Variants in TAS2R1 observed in about 807,000 individuals in gnomAD.
TAS2R1 encodes the protein taste receptor type 2 member 1.
For synonymous variants in TAS2R1, 141 were observed against 134.2 expected (o/e 1.05, Z -0.35); for missense variants, 370 against 353.4 (o/e 1.05, Z -0.38).
intron 2 of TAS2R1, among the ~76,000 whole-genome samples, chr5:9,648,992 T>C (rs1740252238): frequency 2.0e-5 from 3 of 152,190 alleles, no homozygotes; most frequent in Non-Finnish European, 4.4e-5. Context: ...AGGTCCACAA[T>C]TGCTAATTGT....
the TAS2R1 span, among the ~76,000 whole-genome samples, chr5:9,721,263 G>A: frequency 1.3e-3 from 196 of 152,302 alleles, no homozygotes; most frequent in African/African-American, 4.4e-3. Flanking sequence ...CCTTTAAAAT[G>A]GTCCAGAAGA....
the TAS2R1 span, among the ~76,000 whole-genome samples, chr5:9,865,152 C>T: frequency 6.6e-6 from 1 of 152,224 alleles, no homozygotes; most frequent in African/African-American, 2.4e-5. Context: ...GGAGGGGGAG[C>T]AAGGAAGCCA....
At position 9,627,970 on chromosome 5, in the gene TAS2R1, T is replaced by C. The variant is rs1739785283; in HGVS notation, c.*1163A>G. On this transcript the variant is annotated 3_prime_UTR_variant, in exon 1 of 1. Transcript: ENST00000382492. ...GCTGTATTTGGGTTCCTATTACTGG[T>C]GATTGAAAAATCTAAACCTAAACCT... is the stretch of plus-strand genomic sequence containing the variant. Among the ~76,000 whole-genome samples the C allele has an allele frequency of 6.6e-6, 1 of 152,290 alleles. No homozygotes were observed. The highest frequency in any genetic ancestry group is 1.9e-4 in the East Asian group (1 of 5,176).
At chr5:9,812,331 T>A in the TAS2R1 span, among the ~76,000 whole-genome samples, 20 of 152,000 alleles carry the variant, frequency 1.3e-4, no homozygotes, top group African/African-American at 4.6e-4. Flanking sequence ...TATGTATGTA[T>A]ATATATGAAG....
At chr5:9,845,444 A>G in the TAS2R1 span, among the ~76,000 whole-genome samples, 1 of 152,226 alleles carries the variant, frequency 6.6e-6, no homozygotes, top group Admixed American at 6.5e-5. Flanking sequence ...TGCAAGTGAA[A>G]GTAGTTTCTG....
the TAS2R1 span, among the ~76,000 whole-genome samples, chr5:9,741,134 A>G: frequency 6.6e-6 from 1 of 152,188 alleles, no homozygotes. Flanking sequence ...TATATATTTT[A>G]TGCCACTAAA....
chr5:9,767,945 C>T, the TAS2R1 span, among the ~76,000 whole-genome samples: 1 of 133,950 alleles, frequency 7.5e-6, no homozygotes, highest in Admixed American at 7.6e-5. Context: ...AAAAAAAAGC[C>T]AGATTACATC....
At chr5:9,745,039 G>A in the TAS2R1 span, among the ~76,000 whole-genome samples, 3 of 152,160 alleles carry the variant, frequency 2.0e-5, no homozygotes. Flanking sequence ...TTCTGCTTGA[G>A]GAAACTTACT....
chr5:9,747,646 C>A, the TAS2R1 span, among the ~76,000 whole-genome samples: 4 of 152,214 alleles, frequency 2.6e-5, no homozygotes, highest in South Asian at 8.3e-4. Context: ...TCCCATTAGG[C>A]CCCACCTCCA....
At chr5:9,643,182 A>G (rs1249639817) in intron 2 of TAS2R1, among the ~76,000 whole-genome samples, 3 of 152,192 alleles carry the variant, frequency 2.0e-5, no homozygotes, top group Non-Finnish European at 4.4e-5. Context: ...GTAAGAAAGT[A>G]ATCGATAGAC....
intron 1 of TAS2R1, among the ~76,000 whole-genome samples, chr5:9,692,613 G>A (rs1052954681): frequency 6.6e-6 from 1 of 152,176 alleles, no homozygotes; most frequent in Non-Finnish European, 1.5e-5. Flanking sequence ...TTCCTCACTT[G>A]CTTTGCAGTA....
At chr5:9,728,684 A>G in the TAS2R1 span, among the ~76,000 whole-genome samples, 1 of 152,238 alleles carries the variant, frequency 6.6e-6, no homozygotes, top group Non-Finnish European at 1.5e-5. Flanking sequence ...CATTTCCCAG[A>G]TGAGCTGAAG....
intron 1 of TAS2R1, among the ~76,000 whole-genome samples, chr5:9,694,587 A>G (rs1741321276): frequency 6.6e-6 from 1 of 152,162 alleles, no homozygotes. Context: ...TCAAAGGACC[A>G]TTTTCTTTCT....
At chr5:9,662,499 C>G (rs193221931) in intron 1 of TAS2R1, among the ~76,000 whole-genome samples, 114 of 152,248 alleles carry the variant, frequency 7.5e-4, no homozygotes, top group Non-Finnish European at 1.4e-3. Context: ...GTTGTCACTC[C>G]CAGCCAACTC....
the TAS2R1 span, among the ~76,000 whole-genome samples, chr5:9,726,979 T>C: frequency 6.6e-6 from 1 of 152,220 alleles, no homozygotes; most frequent in Non-Finnish European, 1.5e-5. Context: ...CATCAATGTT[T>C]AAAACGGAAT....
At chr5:9,649,916 C>CA in intron 2 of TAS2R1, among the ~76,000 whole-genome samples, 2 of 152,110 alleles carry the variant, frequency 1.3e-5, no homozygotes, top group Non-Finnish European at 2.9e-5. Context: ...GAATACTTAA[C>CA]AAATGTGCCT....
At chr5:9,718,104 C>G in the TAS2R1 span, among the ~76,000 whole-genome samples, 1 of 151,814 alleles carries the variant, frequency 6.6e-6, no homozygotes, top group Admixed American at 6.6e-5. Context: ...GGACCACAGG[C>G]ACACGCCACC....
intron 1 of TAS2R1, among the ~76,000 whole-genome samples, chr5:9,698,431 T>C (rs1242064288): frequency 2.0e-5 from 3 of 152,202 alleles, no homozygotes; most frequent in Admixed American, 6.5e-5. Flanking sequence ...GTCAACATGA[T>C]GTCAAAGTTG....
the TAS2R1 span, among the ~76,000 whole-genome samples, chr5:9,817,606 T>C: frequency 6.6e-6 from 1 of 152,130 alleles, no homozygotes; most frequent in Non-Finnish European, 1.5e-5. Flanking sequence ...AAATGGAGAA[T>C]TTTCTTGTAT....
Sources: gnomAD v4.1 joint callset for allele counts (sites outside exome capture counted in the v4.1 genomes callset) on GRCh38, gnomAD v4.1.1 for gene constraint, MANE v1.5 for transcripts, NCBI Gene and HGNC (gene_info 2026-07-23, HGNC 2026-07-21) for gene names.